BRWD1: variants seen among roughly 807,000 people sequenced by gnomAD.
BRWD1 encodes the protein bromodomain and WD repeat-containing protein 1.
A neutral mutation model predicts 251.2 loss-of-function variants in BRWD1; 82 were observed. The ratio of observed to expected loss-of-function variants is 0.33; its 90% CI spans 0.27 to 0.39. The LOEUF is 0.39. Among genes scored for constraint, BRWD1 ranks in the 10% least tolerant of loss-of-function variants. The pLI is 1.00. For missense variants in BRWD1, 2,233 were observed against 2,711.6 expected, an observed-to-expected ratio of 0.82 and a Z score of 3.92; for synonymous variants, 918 against 902.8, an observed-to-expected ratio of 1.02 and a Z score of -0.30.
At position 39,187,247 on chromosome 21, in the gene BRWD1, G is replaced by C. The variant is rs2031288649; in HGVS notation, c.*9012C>G. ...TCTGGTCCTGAGATCGTTTCTTTTA[G>C]ATTACTCATTATCTTTATTTTATTT... On this transcript the variant is annotated 3_prime_UTR_variant, in exon 41 of 41. Coordinates refer to ENST00000342449, the MANE Select transcript of BRWD1 (RefSeq NM_033656.4). 1 of 1,613,774 alleles carries C rather than the reference G, an allele frequency of 6.2e-7. No homozygotes were observed.
chr21:39,193,701 C>CTTT lies in BRWD1; in HGVS notation c.*2555_*2557dup, dbSNP rs1601226684. On this transcript the variant is annotated 3_prime_UTR_variant, in exon 41 of 41. Transcript: ENST00000342449. ...ATCAGTTCACATTCAAATTATAACC[C>CTTT]TTTATCTTTTTCTCAAGAATACTAC... The CTTT allele has an allele frequency of 3.0e-6, 3 of 985,398 alleles. No individual in the cohort carries two copies. The East Asian group carries it at 3.4e-4, about 112-fold the overall frequency. 61.0% of individuals were successfully genotyped at this position (985,398 alleles called of 1,614,324 possible). A position where few individuals can be genotyped will look rare whatever the true frequency, so the allele number is the denominator to read the frequency against.
At chr21:39,214,846 T>C (rs1248965292) in intron 32 of BRWD1, among the ~76,000 whole-genome samples, 1 of 151,174 alleles carries the variant, frequency 6.6e-6, no homozygotes, top group Non-Finnish European at 1.5e-5. Context: ...AGTATAGTTC[T>C]GAGTAAAAAA....
intron 21 of BRWD1, among the ~76,000 whole-genome samples, chr21:39,239,361 T>C (rs1287067225): frequency 6.6e-6 from 1 of 152,190 alleles, no homozygotes; most frequent in Non-Finnish European, 1.5e-5. Flanking sequence ...GAGTTAATTT[T>C]TGTGAAAGAC....
In BRWD1 at chr21:39,190,178, C is replaced by CA; in HGVS notation, c.*6080dup. 2 of 984,582 alleles carry CA rather than the reference C, an allele frequency of 2.0e-6. No individual in the cohort carries two copies. The highest frequency in any genetic ancestry group is 2.4e-6 in the Non-Finnish European group (2 of 829,280). 61.0% of individuals were successfully genotyped at this position (984,582 alleles called of 1,614,324 possible). On this transcript the variant is annotated 3_prime_UTR_variant, in exon 41 of 41. Transcript: ENST00000342449. Reference sequence around the variant, plus strand: ...GGATACAAACATAACAGTTCTGACTCAACACAATCTCTAGTTTCTACATTT... The same window carrying CA: ...GGATACAAACATAACAGTTCTGACTCAAACACAATCTCTAGTTTCTACATTT...
intron 5 of BRWD1, chr21:39,296,742 A>G (rs2035971804): frequency 2.2e-6 from 2 of 897,488 alleles, no homozygotes; most frequent in Non-Finnish European, 2.7e-6. Context: ...TTGGTAAAAG[A>G]TGGACCATAA....
At chr21:39,253,976 C>A (rs2034480867) in intron 19 of BRWD1, among the ~76,000 whole-genome samples, 1 of 152,164 alleles carries the variant, frequency 6.6e-6, no homozygotes, top group South Asian at 2.1e-4. Flanking sequence ...TATAAAATAT[C>A]ATTTCTTAGG....
In BRWD1 at chr21:39,293,908, G is replaced by A. The variant is rs753062827; in HGVS notation, c.734C>T (p.Ala245Val). ...AVNYENTMIA[A>V]GSCDKIIRVW... ...TCTAATAATTTTATCACAGCTCCCC[G>A]CAGCAATCATTGTATTCTCATAGTT... is the stretch of plus-strand genomic sequence containing the variant. Residue 245 changes from alanine (A) to valine (V), a missense_variant, in exon 8 of 41, where the codon GCG becomes GTG. Ala to Val is a moderately conservative substitution (Grantham distance 64). Transcript: ENST00000342449. 11 of 1,613,938 alleles carry A rather than the reference G, an allele frequency of 6.8e-6. No individual in the cohort carries two copies. The highest frequency in any genetic ancestry group is 1.6e-4 in the Middle Eastern group (1 of 6,084).
intron 12 of BRWD1, 102 bp downstream of exon 12, chr21:39,276,064 TAATATAA>T: frequency 1.1e-6 from 1 of 906,934 alleles, no homozygotes; most frequent in Non-Finnish European, 1.5e-6. Context: ...ATAATCATAA[TAATATAA>T]AGGGAAAAAA....
intron 37 of BRWD1, 113 bp from the exon 38 acceptor site, chr21:39,202,658 TATC>T: frequency 2.9e-6 from 2 of 685,838 alleles, no homozygotes; most frequent in East Asian, 2.8e-5. Flanking sequence ...AGAGTAATTT[TATC>T]ATCAAAACAT....
Position 39,200,097 on chromosome 21 carries a change from T to A in BRWD1, c.4753+122A>T. 5.1e-6 allele frequency: 5 copies of A among 973,098 alleles called. No individual in the cohort carries two copies. The East Asian group carries it at 1.3e-4, about 26-fold the overall frequency. 60.3% of individuals were successfully genotyped at this position (973,098 alleles called of 1,614,324 possible). A position where few individuals can be genotyped will look rare whatever the true frequency, so the allele number is the denominator to read the frequency against. ...CCAAAATTCATTTCCTTCCTAAATC[T>A]AAGGAACCTAAAGGACATTAACTTA... On this transcript the variant is annotated intron_variant, in intron 39 of 40. Coordinates refer to ENST00000342449, the MANE Select transcript of BRWD1 (RefSeq NM_033656.4).
chr21:39,293,335 A>C (rs1377155707), intron 8 of BRWD1, among the ~76,000 whole-genome samples: 1 of 152,076 alleles, frequency 6.6e-6, no homozygotes, highest in Non-Finnish European at 1.5e-5. Flanking sequence ...TCTACTAAAA[A>C]TACAAAAATT....
intron 15 of BRWD1, among the ~76,000 whole-genome samples, chr21:39,267,188 AG>A (rs2034949535): frequency 1.3e-5 from 2 of 152,230 alleles, no homozygotes; most frequent in African/African-American, 4.8e-5. Flanking sequence ...AAAATGTTTT[AG>A]AATGCATTTA....
At chr21:39,287,503 TG>T (rs1414242448) in intron 8 of BRWD1, among the ~76,000 whole-genome samples, 6 of 152,188 alleles carry the variant, frequency 3.9e-5, no homozygotes, top group Admixed American at 3.9e-4. Flanking sequence ...ATTTTCTTTT[TG>T]TGTCTTGTTT....
chr21:39,284,712 A>G (rs1474848739), intron 8 of BRWD1, among the ~76,000 whole-genome samples: 1 of 152,140 alleles, frequency 6.6e-6, no homozygotes, highest in Non-Finnish European at 1.5e-5. Context: ...TCTGTCAGCC[A>G]TTTGTATGTG....
At chr21:39,249,879 G>A (rs564014661) in intron 20 of BRWD1, among the ~76,000 whole-genome samples, 1 of 151,020 alleles carries the variant, frequency 6.6e-6, no homozygotes, top group Non-Finnish European at 1.5e-5. Context: ...AAAAGGTTAT[G>A]AAGAATCACA....
At chr21:39,262,924 T>C (rs1186756492) in intron 17 of BRWD1, among the ~76,000 whole-genome samples, 1 of 152,002 alleles carries the variant, frequency 6.6e-6, no homozygotes, top group Non-Finnish European at 1.5e-5. Flanking sequence ...CTTGACAGCC[T>C]GGGCAACATG....
At chr21:39,224,713 C>T (rs921282517) in intron 28 of BRWD1, among the ~76,000 whole-genome samples, 2 of 152,122 alleles carry the variant, frequency 1.3e-5, no homozygotes, top group Non-Finnish European at 1.5e-5. Flanking sequence ...GCATGAAGCC[C>T]TTGAATTCCA....
intron 27 of BRWD1, among the ~76,000 whole-genome samples, chr21:39,227,484 A>G (rs910105688): frequency 2.0e-5 from 3 of 152,196 alleles, no homozygotes; most frequent in South Asian, 2.1e-4. Context: ...ACAACTCTGA[A>G]TAAGTGAGCC....
At chr21:39,313,671 C>CGG (rs2036607953), upstream of BRWD1, 3 of 425,044 alleles carry the variant, frequency 7.1e-6, no homozygotes, top group Non-Finnish European at 1.2e-5. Context: ...AGTTCCTCCG[C>CGG]GGGAGACGAA....
Sources: allele counts gnomAD v4.1 joint callset (sites outside exome capture counted in the v4.1 genomes callset), GRCh38; gene constraint gnomAD v4.1.1; transcripts MANE v1.5; gene names NCBI Gene and HGNC (gene_info 2026-07-23, HGNC 2026-07-21).